The following GALNT14 variants were observed in gnomAD, a reference collection of about 807,000 sequenced individuals.
The protein encoded by GALNT14 is UDP-GalNAc:polypeptide N-acetylgalactosaminyltransferase 14.
Under a neutral mutation model 77.5 loss-of-function variants are expected in GALNT14, and 60 were observed. The ratio of observed to expected loss-of-function variants is 0.77; its 90% CI spans 0.63 to 0.96. The LOEUF is 0.96. GALNT14 is among the 40% of genes least tolerant of loss of function. The pLI is 0.00. For synonymous variants in GALNT14, 280 were observed against 281.7 expected, an observed-to-expected ratio of 0.99 and a Z score of 0.06; for missense variants, 710 against 731.0, an observed-to-expected ratio of 0.97 and a Z score of 0.33.
intron 1 of GALNT14, among the ~76,000 whole-genome samples, chr2:31,042,590 A>G (rs1196780852): frequency 6.6e-6 from 1 of 152,114 alleles, no homozygotes; most frequent in South Asian, 2.1e-4. Flanking sequence ...AGCCTGGTCC[A>G]TCTCCATTGA....
At chr2:30,902,759 T>A in the GALNT14 span, among the ~76,000 whole-genome samples, 1 of 152,216 alleles carries the variant, frequency 6.6e-6, no homozygotes, top group Non-Finnish European at 1.5e-5. Context: ...GCAGTGGGGA[T>A]AAAGAAGAGA....
At chr2:31,069,963 G>A (rs750308330) in intron 1 of GALNT14, among the ~76,000 whole-genome samples, 4 of 152,104 alleles carry the variant, frequency 2.6e-5, no homozygotes, top group Non-Finnish European at 5.9e-5. Flanking sequence ...GGCCTGGACC[G>A]AGAGAAGAGG....
intron 1 of GALNT14, among the ~76,000 whole-genome samples, chr2:31,054,406 T>C (rs1266687815): frequency 2.0e-5 from 3 of 152,174 alleles, no homozygotes; most frequent in African/African-American, 7.2e-5. Flanking sequence ...AAGTGGCCTG[T>C]CCCTCCGTCC....
chr2:31,137,842 G>A (rs1679297577), intron 1 of GALNT14, 116 bp downstream of exon 1: 15 of 1,353,176 alleles, frequency 1.1e-5, no homozygotes, highest in Admixed American at 2.6e-5. Flanking sequence ...GCTGTTACCT[G>A]CTCGCAGCAC....
chr2:30,991,660 C>G (rs1377490580), intron 2 of GALNT14, among the ~76,000 whole-genome samples: 1 of 152,120 alleles, frequency 6.6e-6, no homozygotes. Flanking sequence ...TAGTTCACCC[C>G]CCTTGCTATA....
At chr2:31,095,637 A>C (rs1417648813) in intron 1 of GALNT14, among the ~76,000 whole-genome samples, 5 of 151,992 alleles carry the variant, frequency 3.3e-5, no homozygotes, top group African/African-American at 1.2e-4. Context: ...AAGAAAATTT[A>C]TTTCCAAGGC....
At chr2:31,120,423 AAGAT>A (rs1678348640) in intron 1 of GALNT14, among the ~76,000 whole-genome samples, 1 of 152,214 alleles carries the variant, frequency 6.6e-6, no homozygotes, top group South Asian at 2.1e-4. Context: ...GGTGAGTGAA[AAGAT>A]AGATAAATAA....
chr2:31,103,764 G>A lies in GALNT14; in HGVS notation c.129+34194C>T, dbSNP rs201498300. 1.7e-4 allele frequency among the ~76,000 whole-genome samples: 26 copies of A among 152,136 alleles called. No individual in the cohort carries two copies. The East Asian group carries it at 4.6e-3, about 27-fold the overall frequency. On this transcript the variant is annotated intron_variant, in intron 1 of 14. Coordinates refer to ENST00000349752, the MANE Select transcript of GALNT14 (RefSeq NM_024572.4). ...GCTGTGTCATTTCTACATCACCAGG[G>A]CACAGAACACTTACATTCTCCTCTG...
At chr2:30,954,886 T>C (rs1489926749) in intron 6 of GALNT14, among the ~76,000 whole-genome samples, 1 of 152,162 alleles carries the variant, frequency 6.6e-6, no homozygotes, top group East Asian at 1.9e-4. Flanking sequence ...ACCTCCTACT[T>C]CACAGAATGG....
At chr2:31,012,626 G>C (rs549993608) in intron 1 of GALNT14, among the ~76,000 whole-genome samples, 8 of 152,276 alleles carry the variant, frequency 5.3e-5, no homozygotes, top group African/African-American at 1.9e-4. Context: ...TGAAAAAAGG[G>C]TTAAGAATGA....
intron 14 of GALNT14, 83 bp from the exon 15 acceptor site, chr2:30,911,142 T>C (rs1342238583): frequency 7.5e-7 from 1 of 1,336,810 alleles, no homozygotes; most frequent in African/African-American, 1.4e-5. Context: ...GGTAGGTGCC[T>C]CATGTCTAGG....
intron 1 of GALNT14, among the ~76,000 whole-genome samples, chr2:31,057,635 T>C (rs1346753634): frequency 1.3e-5 from 2 of 151,954 alleles, no homozygotes; most frequent in South Asian, 2.1e-4. Context: ...GAAATCACCA[T>C]GTGGCAACTA....
chr2:31,117,044 A>C (rs1037628793), intron 1 of GALNT14, among the ~76,000 whole-genome samples: 1 of 152,170 alleles, frequency 6.6e-6, no homozygotes, highest in Non-Finnish European at 1.5e-5. Flanking sequence ...TCTCAGAAAA[A>C]AAAAATTAAA....
At chr2:30,964,187 C>T (rs1480786211) in intron 3 of GALNT14, among the ~76,000 whole-genome samples, 1 of 152,202 alleles carries the variant, frequency 6.6e-6, no homozygotes. Context: ...TAACGCTGTT[C>T]TCATGGAAAC....
Position 31,014,365 on chromosome 2 carries a change from T to C in GALNT14, c.130-21358A>G, listed in dbSNP as rs554626439. ...TAGGTTGCTGTATCAATTCACAATGTTGCAACTCATTGCAGGGAGAAGCCC... is the reference window on the plus strand; with the variant it reads ...TAGGTTGCTGTATCAATTCACAATGCTGCAACTCATTGCAGGGAGAAGCCC... On this transcript the variant is annotated intron_variant, in intron 1 of 14. Coordinates refer to ENST00000349752, the MANE Select transcript of GALNT14 (RefSeq NM_024572.4). Among the ~76,000 whole-genome samples, 6 of 152,280 alleles carry C rather than the reference T, an allele frequency of 3.9e-5. No individual in the cohort carries two copies. In the South Asian group the frequency reaches 1.2e-3, roughly 32 times the overall value.
intron 2 of GALNT14, among the ~76,000 whole-genome samples, chr2:30,967,009 C>A (rs1424023605): frequency 1.3e-5 from 2 of 152,204 alleles, no homozygotes; most frequent in East Asian, 3.8e-4. Flanking sequence ...CCAAGTGAGG[C>A]TGGTGGCACC....
At chr2:31,023,584 A>G (rs1671864107) in intron 1 of GALNT14, among the ~76,000 whole-genome samples, 1 of 152,056 alleles carries the variant, frequency 6.6e-6, no homozygotes, top group South Asian at 2.1e-4. Flanking sequence ...CCCCAACCCC[A>G]TTAGGCTTTT....
At chr2:31,053,096 G>C (rs1673988445) in intron 1 of GALNT14, among the ~76,000 whole-genome samples, 2 of 152,118 alleles carry the variant, frequency 1.3e-5, no homozygotes, top group African/African-American at 4.8e-5. Flanking sequence ...AGAGCCCCAG[G>C]CTCCCAAACA....
At chr2:31,067,128 G>A (rs1288001537) in intron 1 of GALNT14, among the ~76,000 whole-genome samples, 1 of 152,150 alleles carries the variant, frequency 6.6e-6, no homozygotes, top group Admixed American at 6.6e-5. Context: ...CGCCAGCCCA[G>A]GGTCCTCTCT....
Sources: gnomAD v4.1 joint callset for allele counts (sites outside exome capture counted in the v4.1 genomes callset) on GRCh38, gnomAD v4.1.1 for gene constraint, MANE v1.5 for transcripts, NCBI Gene and HGNC (gene_info 2026-07-23, HGNC 2026-07-21) for gene names.